The following PHRF1 variants were observed in gnomAD, a reference collection of about 807,000 sequenced individuals.
The protein encoded by PHRF1 is PHD and ring finger domains 1, also known as PHD and RING finger domain-containing protein 1.
Under a neutral mutation model 128.9 loss-of-function variants are expected in PHRF1, and 53 were observed. The observed-to-expected ratio is 0.41, with a 90% CI of 0.33 to 0.52. The LOEUF (loss-of-function observed/expected upper bound fraction) is 0.52. Among genes scored for constraint, PHRF1 ranks in the 20% least tolerant of loss-of-function variants. The pLI is 0.21. For synonymous variants in PHRF1, 1,178 were observed against 980.6 expected, an observed-to-expected ratio of 1.20 and a Z score of -3.76; for missense variants, 2,503 against 2,284.5, an observed-to-expected ratio of 1.10 and a Z score of -1.95.
At chr11:604,888 C>T (rs372211323) in intron 10 of PHRF1, among the ~76,000 whole-genome samples, 2 of 152,216 alleles carry the variant, frequency 1.3e-5, no homozygotes, top group African/African-American at 4.8e-5. Context: ...GTGATGGTGA[C>T]ACTGCAATGC....
At position 597,003 on chromosome 11, in the gene PHRF1, GTGT is replaced by G. The variant is rs764453210; in HGVS notation, c.705_707del (p.Val236del). 27 of 1,613,754 alleles carry G rather than the reference GTGT, an allele frequency of 1.7e-5. No homozygotes were observed. In the Admixed American group the frequency reaches 2.7e-4, roughly 16 times the overall value. ...TTCTGCCCGGAATGTGCTGCGCCTG[GTGT>G]TGTCCTTGCCGCTGGTAAGGACACT... On this transcript the variant is annotated inframe_deletion, in exon 7 of 18. Transcript: ENST00000264555. The surrounding 1 kb of genome is among the most constrained non-coding windows in gnomAD (Gnocchi z 6.5).
rs2133078952 is a variant in PHRF1 at position 608,386 on chromosome 11, T to C, written c.2930T>C (p.Leu977Pro). 2 of 1,611,680 alleles carry C rather than the reference T, an allele frequency of 1.2e-6. No homozygotes were observed. Among genetic ancestry groups the C allele is most frequent in the Non-Finnish European group, 1.7e-6 (2 of 1,179,544 alleles). Residue 977 changes from leucine (L) to proline (P), a missense_variant, in exon 14 of 18, where the codon CTG becomes CCG. Transcript: ENST00000264555. ...GAAGCCCCACCCAGCCCGGACGTGC[T>C]GCAGGCTGCCACCCACAGAGTCGTG... ...EPEAPPSPDVLQAATHRVVEL... is the reference protein window; with the variant it reads ...EPEAPPSPDVPQAATHRVVEL...
At chr11:602,748 T>G in intron 10 of PHRF1, among the ~76,000 whole-genome samples, 1 of 150,492 alleles carries the variant, frequency 6.6e-6, no homozygotes, top group African/African-American at 2.5e-5. Context: ...GAATCTTTTT[T>G]GGTTTTGTTT....
chr11:609,661 G>A lies in PHRF1; in HGVS notation c.4205G>A (p.Arg1402Gln), dbSNP rs868348878. ...CTGCGGTCCAGAGCCCTGGTGAAGCGGGTCACCTGGAACCTGCAGGAGTCG... is the reference window on the plus strand; with the variant it reads ...CTGCGGTCCAGAGCCCTGGTGAAGCAGGTCACCTGGAACCTGCAGGAGTCG... ...PLLRSRALVK[R>Q]VTWNLQESES... The change falls in exon 14 of 18, where the codon CGG becomes CAG. Residue 1402 changes from arginine (R) to glutamine (Q), a missense_variant. By Grantham distance (43) the Arg-to-Gln change is conservative. Transcript: ENST00000264555. The A allele has an allele frequency of 4.5e-6, 7 of 1,561,312 alleles. No individual in the cohort carries two copies. Among genetic ancestry groups the A allele is most frequent in the South Asian group, 2.3e-5 (2 of 85,174 alleles).
At position 609,383 on chromosome 11, in the gene PHRF1, G is replaced by T. The variant is rs1182778889; in HGVS notation, c.3927G>T (p.Leu1309Phe). 1.2e-6 allele frequency: 2 copies of T among 1,611,516 alleles called. No homozygotes were observed. Among genetic ancestry groups the T allele is most frequent in the South Asian group, 2.2e-5 (2 of 91,088 alleles). The change falls in exon 14 of 18, where the codon TTG becomes TTT. Residue 1309 changes from leucine to phenylalanine, a missense_variant. By Grantham distance (22) the Leu-to-Phe change is conservative. Transcript: ENST00000264555. Reference sequence around the variant, plus strand: ...GAGACTTCCCACTGAAGCCTGCGTTGCCCCCAGCCAGCCTGGCCGTGGCCG... The same window carrying T: ...GAGACTTCCCACTGAAGCCTGCGTTTCCCCCAGCCAGCCTGGCCGTGGCCG... Reference protein sequence around the residue: ...PERDFPLKPALPPASLAVAAI... With the variant: ...PERDFPLKPAFPPASLAVAAI...
intron 1 of PHRF1, 146 bp from the exon 2 acceptor site, chr11:581,345 TG>T: frequency 1.6e-6 from 1 of 643,758 alleles, no homozygotes; most frequent in Non-Finnish European, 2.7e-6. Context: ...AGTTGTTCTG[TG>T]GGTGATATCT....
At chr11:585,573 A>G (rs376310541) in intron 3 of PHRF1, among the ~76,000 whole-genome samples, 1 of 114,446 alleles carries the variant, frequency 8.7e-6, no homozygotes. Context: ...AGCTTGAGGT[A>G]GTAGCCCTTT....
rs773330665 is a variant in PHRF1, at chr11:609,572, C to T, written c.4116C>T (p.Pro1372=). The T allele has an allele frequency of 2.5e-6, 4 of 1,598,920 alleles. No individual in the cohort carries two copies. The African/African-American group carries it at 5.3e-5, about 21-fold the overall frequency. ...CGCCTGCGGGGAAGGAAGACAGCCC[C>T]TCTGCGAGTGGGAGGGTACAGGAGG... ...DVAPAGKEDS[P]SASGRVQEAA... Residue 1372 remains proline (P), a synonymous_variant, in exon 14 of 18, where the codon CCC becomes CCT. Transcript: ENST00000264555.
intron 10 of PHRF1, among the ~76,000 whole-genome samples, chr11:602,637 C>T (rs1357155851): frequency 1.3e-5 from 2 of 151,918 alleles, no homozygotes; most frequent in African/African-American, 4.8e-5. Flanking sequence ...GCCGAGATTG[C>T]ACCACTGCAC....
rs1407455491 is a variant in PHRF1 at position 609,345 on chromosome 11, T to A, written c.3889T>A (p.Ser1297Thr). ...GCCACCTTCTCCCGAAAGCACAGAC[T>A]CTTCCCCGGAGCGAGACTTCCCACT... The part of the protein sequence containing the change: ...SSPPSPESTD[S>T]SPERDFPLKP... The change falls in exon 14 of 18, where the codon TCT (serine) becomes ACT (threonine). Residue 1297 changes from serine (S) to threonine (T), a missense_variant. Transcript: ENST00000264555. 1 of 1,612,406 alleles carries A rather than the reference T, an allele frequency of 6.2e-7. No individual in the cohort carries two copies.
At chr11:583,860 C>T (rs1472110467) in intron 3 of PHRF1, among the ~76,000 whole-genome samples, 1 of 152,208 alleles carries the variant, frequency 6.6e-6, no homozygotes, top group East Asian at 1.9e-4. Flanking sequence ...TGCCCCGGCC[C>T]TGCTGTGGTT....
rs12800061 is a variant in PHRF1, at chr11:587,425, C to G, written c.381C>G (p.Ala127=). The stretch of plus-strand genomic sequence containing the variant: ...CCGTGGGGACGCCGGAGAACTGTGC[C>G]CATTACTTCTGCCTGGACTGCATTG... The part of the protein sequence containing the change: ...DQAVGTPENC[A]HYFCLDCIVE... The change falls in exon 4 of 18, where the codon GCC becomes GCG. Residue 127 remains alanine, a synonymous_variant. Transcript: ENST00000264555. 1.2e-6 allele frequency: 2 copies of G among 1,613,466 alleles called. No individual in the cohort carries two copies. The highest frequency in any genetic ancestry group is 1.1e-5 in the South Asian group (1 of 91,064).
intron 9 of PHRF1, among the ~76,000 whole-genome samples, chr11:599,620 G>A (rs549821119): frequency 5.9e-5 from 9 of 152,216 alleles, no homozygotes; most frequent in African/African-American, 4.8e-5. Context: ...TTTGACAGAC[G>A]TAACTTCCAT....
rs759600273 is a variant in PHRF1, at chr11:609,235, A to G, written c.3779A>G (p.Asp1260Gly). ...TGTGAGCCGGACGACCTGGACCTGG[A>G]TTATGGCGACTCCGTGGAGGCCGGA... The part of the protein sequence containing the change: ...AECEPDDLDL[D>G]YGDSVEAGHV... The change falls in exon 14 of 18, where the codon GAT becomes GGT. Residue 1260 changes from aspartate to glycine, a missense_variant. Coordinates refer to ENST00000264555, the MANE Select transcript of PHRF1 (RefSeq NM_001286581.2). 6.8e-6 allele frequency: 11 copies of G among 1,611,006 alleles called. No individual in the cohort carries two copies. Among genetic ancestry groups the G allele is most frequent in the Non-Finnish European group, 9.3e-6 (11 of 1,179,862 alleles).
chr11:610,370 T>TGTGGGCC (rs1361794772), intron 15 of PHRF1, 23 bp downstream of exon 15: 1 of 1,545,984 alleles, frequency 6.5e-7, no homozygotes, highest in Admixed American at 1.9e-5. Flanking sequence ...GCTGGAGGGC[T>TGTGGGCC]GTGGGCCGTG....
At chr11:600,230 G>A (rs1383607700) in intron 9 of PHRF1, among the ~76,000 whole-genome samples, 2 of 151,452 alleles carry the variant, frequency 1.3e-5, no homozygotes, top group Middle Eastern at 3.4e-3. Context: ...GTCTCTCCCC[G>A]ATAGGAACAC....
chr11:593,402 C>T (rs748301761), intron 6 of PHRF1, among the ~76,000 whole-genome samples: 31 of 152,246 alleles, frequency 2.0e-4, no homozygotes, highest in Non-Finnish European at 3.1e-4. Context: ...GACTACGGAA[C>T]AGCCGGAGCC....
intron 12 of PHRF1, among the ~76,000 whole-genome samples, 200 bp from the exon 13 acceptor site, chr11:606,242 G>A (rs983887571): frequency 1.3e-5 from 2 of 150,406 alleles, no homozygotes; most frequent in African/African-American, 5.0e-5. Flanking sequence ...GCTGCGAGGT[G>A]GGGCTCCCTC....
intron 1 of PHRF1, among the ~76,000 whole-genome samples, chr11:577,703 G>A (rs1044102406): frequency 1.3e-5 from 2 of 152,256 alleles, no homozygotes; most frequent in African/African-American, 2.4e-5. Context: ...AAGAATAAAA[G>A]TCGGCCTGAG....
Sources: allele counts gnomAD v4.1 joint callset (sites outside exome capture counted in the v4.1 genomes callset), GRCh38; gene constraint gnomAD v4.1.1; non-coding constraint Gnocchi (gnomAD v3.1); transcripts MANE v1.5; gene names NCBI Gene and HGNC (gene_info 2026-07-23, HGNC 2026-07-21).